STARD3NL: variants seen among roughly 807,000 people sequenced by gnomAD.
The protein encoded by STARD3NL is STARD3 N-terminal-like protein.
STARD3NL carries 17 observed loss-of-function variants against 30.9 expected under a neutral mutation model. The observed-to-expected ratio is 0.55, with a 90% CI of 0.38 to 0.82. STARD3NL has a LOEUF of 0.82. STARD3NL is among the 40% of genes least tolerant of loss of function. STARD3NL has a pLI of 0.00. For missense variants in STARD3NL, 234 were observed against 277.6 expected, an observed-to-expected ratio of 0.84 and a Z score of 1.12; for synonymous variants, 112 against 100.5, an observed-to-expected ratio of 1.11 and a Z score of -0.69.
At chr7:38,217,351 A>C in intron 6 of STARD3NL, 46 bp downstream of exon 6, 1 of 1,572,854 alleles carries the variant, frequency 6.4e-7, no homozygotes, top group African/African-American at 1.3e-5. Context: ...CTGGATACCA[A>C]GCTGGGAGGA....
chr7:38,215,953 C>A (rs1786087096), intron 4 of STARD3NL: 1 of 152,222 alleles, frequency 6.6e-6, no homozygotes, highest in African/African-American at 2.4e-5. Flanking sequence ...AATCACGGGG[C>A]AGCGGTCAGA....
chr7:38,207,411 G>A, intron 1 of STARD3NL, 36 bp from the exon 2 acceptor site: 9 of 998,918 alleles, frequency 9.0e-6, no homozygotes, highest in Non-Finnish European at 1.3e-5. Context: ...TGATCAGCTT[G>A]GATTTAACAT....
intron 1 of STARD3NL, among the ~76,000 whole-genome samples, chr7:38,181,078 T>G (rs1309073883): frequency 6.6e-6 from 1 of 152,234 alleles, no homozygotes. Context: ...CAATAATCAT[T>G]TGCCTTATTT....
At chr7:38,192,784 A>T (rs951933879) in intron 1 of STARD3NL, among the ~76,000 whole-genome samples, 7 of 152,176 alleles carry the variant, frequency 4.6e-5, no homozygotes, top group African/African-American at 1.7e-4. Context: ...TTCCTGTTAC[A>T]ATTCAGATTT....
At chr7:38,184,421 G>A (rs1021449689) in intron 1 of STARD3NL, among the ~76,000 whole-genome samples, 8 of 151,680 alleles carry the variant, frequency 5.3e-5, no homozygotes, top group African/African-American at 1.2e-4. Context: ...AGCATGGCTC[G>A]GCTTTTGGTG....
intron 7 of STARD3NL, among the ~76,000 whole-genome samples, chr7:38,221,748 A>C (rs867938116): frequency 3.3e-5 from 5 of 152,240 alleles, no homozygotes; most frequent in Admixed American, 6.5e-5. Flanking sequence ...GCCTGGCTGG[A>C]AGTGCCCCTG....
At chr7:38,190,060 A>G (rs148403172) in intron 1 of STARD3NL, among the ~76,000 whole-genome samples, 1,900 of 152,294 alleles carry the variant, frequency 0.012, 43 homozygotes, top group African/African-American at 0.043. Context: ...CCTCTTATCC[A>G]TGGACAGTAC....
chr7:38,220,601 CAT>C (rs996597352), intron 7 of STARD3NL, among the ~76,000 whole-genome samples: 65 of 152,334 alleles, frequency 4.3e-4, no homozygotes, highest in African/African-American at 1.5e-3. Flanking sequence ...AAAGATTAAA[CAT>C]AGAGTTACCA....
At chr7:38,218,393 T>C (rs1298469287) in intron 6 of STARD3NL, among the ~76,000 whole-genome samples, 1 of 152,236 alleles carries the variant, frequency 6.6e-6, no homozygotes, top group African/African-American at 2.4e-5. Context: ...TTAATCAGAC[T>C]GAGTTGTACC....
chr7:38,190,759 A>C (rs1055152469), intron 1 of STARD3NL, among the ~76,000 whole-genome samples: 3 of 152,132 alleles, frequency 2.0e-5, no homozygotes, highest in Non-Finnish European at 2.9e-5. Flanking sequence ...TTTCTATTTG[A>C]AGAGTATTCA....
intron 2 of STARD3NL, among the ~76,000 whole-genome samples, chr7:38,211,735 G>A (rs1228685596): frequency 6.6e-6 from 1 of 152,122 alleles, no homozygotes; most frequent in Non-Finnish European, 1.5e-5. Flanking sequence ...TTGGATGTCT[G>A]ACTTAACATG....
chr7:38,189,477 G>A (rs1407055529), intron 1 of STARD3NL, among the ~76,000 whole-genome samples: 1 of 152,072 alleles, frequency 6.6e-6, no homozygotes, highest in East Asian at 1.9e-4. Flanking sequence ...TTTCCCCAGG[G>A]GTCCCTGAGT....
chr7:38,207,225 T>G (rs1004600023), intron 1 of STARD3NL, among the ~76,000 whole-genome samples: 1 of 152,216 alleles, frequency 6.6e-6, no homozygotes, highest in African/African-American at 2.4e-5. Flanking sequence ...GTTTGCTTCT[T>G]CTCTCTTGCC....
chr7:38,185,709 C>T (rs1408499477), intron 1 of STARD3NL, among the ~76,000 whole-genome samples: 3 of 152,204 alleles, frequency 2.0e-5, no homozygotes, highest in African/African-American at 7.2e-5. Context: ...AATAGCTGTG[C>T]TGGCTTTGCT....
chr7:38,187,384 A>C (rs1160283413), intron 1 of STARD3NL, among the ~76,000 whole-genome samples: 1 of 152,080 alleles, frequency 6.6e-6, no homozygotes, highest in Non-Finnish European at 1.5e-5. Context: ...AATAATATAT[A>C]CTTGATTTTT....
At chr7:38,187,101 C>T (rs1007044477) in intron 1 of STARD3NL, among the ~76,000 whole-genome samples, 5 of 152,070 alleles carry the variant, frequency 3.3e-5, no homozygotes, top group African/African-American at 4.8e-5. Flanking sequence ...TTGCGTTGAA[C>T]GAGTGGTGAG....
Position 38,217,176 on chromosome 7 carries a change from C to T in STARD3NL, c.436-12C>T, listed in dbSNP as rs751353595. 1.2e-5 allele frequency: 19 copies of T among 1,613,616 alleles called. No homozygotes were observed. Among genetic ancestry groups the T allele is most frequent in the Non-Finnish European group, 1.6e-5 (19 of 1,179,816 alleles). On this transcript the variant is annotated splice_polypyrimidine_tract_variant and intron_variant, in intron 5 of 8. Transcript: ENST00000009041. ...GGTAACTGCATTTCCCTTTCCTGGT[C>T]GTATTTTCCAGCTTTTCTCTCAAGG...
At chr7:38,226,687 T>C (rs1169146282) in intron 7 of STARD3NL, among the ~76,000 whole-genome samples, 1 of 152,242 alleles carries the variant, frequency 6.6e-6, no homozygotes, top group East Asian at 1.9e-4. Flanking sequence ...GCTGGGCATA[T>C]GCTTGTCCCA....
chr7:38,221,112 A>G (rs912882293), intron 7 of STARD3NL, among the ~76,000 whole-genome samples: 1 of 152,242 alleles, frequency 6.6e-6, no homozygotes, highest in East Asian at 1.9e-4. Context: ...CAGAATGGTG[A>G]TGATGGCTGC....
Sources: allele counts gnomAD v4.1 joint callset (sites outside exome capture counted in the v4.1 genomes callset), GRCh38; gene constraint gnomAD v4.1.1; transcripts MANE v1.5; gene names NCBI Gene and HGNC (gene_info 2026-07-23, HGNC 2026-07-21).